PRR5L: variants seen among roughly 807,000 people sequenced by gnomAD.
The protein encoded by PRR5L is proline rich 5 like.
A neutral mutation model predicts 36.4 loss-of-function variants in PRR5L; 21 were observed. The ratio of observed to expected loss-of-function variants is 0.58; its 90% confidence interval spans 0.41 to 0.83. PRR5L has a LOEUF of 0.83. Ranked by LOEUF, PRR5L falls within the 40% of genes least tolerant of loss-of-function variation. The probability of loss-of-function intolerance (pLI) is 0.00; values close to 1 mark genes in which losing one functional copy is unlikely to be tolerated. For missense variants in PRR5L, 381 were observed against 473.3 expected (o/e 0.80, Z 1.81); for synonymous variants, 188 against 197.0 (o/e 0.95, Z 0.38).
chr11:36,348,001 T>G (rs1856884925), intron 1 of PRR5L, among the ~76,000 whole-genome samples: 1 of 152,202 alleles, frequency 6.6e-6, no homozygotes, highest in African/African-American at 2.4e-5. Flanking sequence ...GGGGCCATTA[T>G]GAGAATCAAA....
intron 3 of PRR5L, among the ~76,000 whole-genome samples, chr11:36,415,975 C>G (rs1442273511): frequency 6.6e-6 from 1 of 152,098 alleles, no homozygotes; most frequent in East Asian, 1.9e-4. Context: ...TACAAGGTAG[C>G]CTGTTGTATG....
chr11:36,322,869 G>A (rs140428908), intron 1 of PRR5L, among the ~76,000 whole-genome samples: 12 of 152,252 alleles, frequency 7.9e-5, no homozygotes, highest in East Asian at 5.8e-4. Flanking sequence ...CACAGGGACC[G>A]AGGAGGAAAA....
chr11:36,310,807 G>C (rs921302776), intron 1 of PRR5L, among the ~76,000 whole-genome samples: 3 of 151,992 alleles, frequency 2.0e-5, no homozygotes, highest in African/African-American at 7.3e-5. Context: ...GACCATCCTG[G>C]CGAACATGGT....
chr11:36,330,865 G>A (rs1856711512), intron 1 of PRR5L, among the ~76,000 whole-genome samples: 1 of 152,040 alleles, frequency 6.6e-6, no homozygotes, highest in African/African-American at 2.4e-5. Context: ...GGTGTTAGAG[G>A]TGTGATCTCG....
chr11:36,446,186 C>A, intron 6 of PRR5L, 114 bp from the exon 7 acceptor site: 1 of 1,163,978 alleles, frequency 8.6e-7, no homozygotes, highest in Non-Finnish European at 1.2e-6. Context: ...CCCTTGCAGA[C>A]GCCTCATCCC....
At chr11:36,342,082 C>A (rs937144093) in intron 1 of PRR5L, among the ~76,000 whole-genome samples, 1 of 152,084 alleles carries the variant, frequency 6.6e-6, no homozygotes, top group Admixed American at 6.5e-5. Flanking sequence ...TTGATGGAGG[C>A]AGATCTTTTT....
intron 1 of PRR5L, among the ~76,000 whole-genome samples, chr11:36,309,011 G>T (rs1237905379): frequency 6.6e-6 from 1 of 152,236 alleles, no homozygotes; most frequent in African/African-American, 2.4e-5. Flanking sequence ...TTATTTTGCA[G>T]CAGTATTGCA....
At chr11:36,343,623 GAGATTTGCTCTC>G (rs1453575887) in intron 1 of PRR5L, among the ~76,000 whole-genome samples, 1 of 152,218 alleles carries the variant, frequency 6.6e-6, no homozygotes, top group Non-Finnish European at 1.5e-5. Flanking sequence ...GATTTGGTCT[GAGATTTGCTCTC>G]AGGTGGTAGA....
chr11:36,382,722 C>G (rs970032749), intron 1 of PRR5L, among the ~76,000 whole-genome samples: 1 of 152,188 alleles, frequency 6.6e-6, no homozygotes, highest in Non-Finnish European at 1.5e-5. Context: ...GGCCTCTACC[C>G]ATTAGATGCC....
chr11:36,438,221 A>G (rs1858645327), intron 6 of PRR5L, among the ~76,000 whole-genome samples: 1 of 152,220 alleles, frequency 6.6e-6, no homozygotes, highest in Non-Finnish European at 1.5e-5. Flanking sequence ...GTTGACCCAT[A>G]GATGTTCCTC....
intron 8 of PRR5L, among the ~76,000 whole-genome samples, chr11:36,452,904 G>A (rs1332099057): frequency 6.6e-6 from 1 of 152,228 alleles, no homozygotes; most frequent in Non-Finnish European, 1.5e-5. Flanking sequence ...ATACATACAT[G>A]GGTCACACCC....
intron 1 of PRR5L, among the ~76,000 whole-genome samples, chr11:36,342,728 ACT>A (rs1856829122): frequency 6.6e-6 from 1 of 151,778 alleles, no homozygotes; most frequent in African/African-American, 2.4e-5. Flanking sequence ...GTCAGGGCTG[ACT>A]CTTTCCTCTC....
At chr11:36,382,279 G>A (rs1442937668) in intron 1 of PRR5L, among the ~76,000 whole-genome samples, 1 of 152,214 alleles carries the variant, frequency 6.6e-6, no homozygotes, top group Non-Finnish European at 1.5e-5. Flanking sequence ...GAGGAATTGA[G>A]ATCTGGAATC....
At chr11:36,307,411 T>C (rs937952908) in intron 1 of PRR5L, among the ~76,000 whole-genome samples, 2 of 152,176 alleles carry the variant, frequency 1.3e-5, no homozygotes, top group African/African-American at 4.8e-5. Context: ...TATTTTATTA[T>C]CTCATTTAAA....
chr11:36,300,465 C>A (rs1234163812), intron 1 of PRR5L, among the ~76,000 whole-genome samples: 1 of 152,094 alleles, frequency 6.6e-6, no homozygotes, highest in Non-Finnish European at 1.5e-5. Flanking sequence ...CCACTAGACC[C>A]CACCTCCAAT....
chr11:36,410,537 C>A (rs1045894340), intron 3 of PRR5L, among the ~76,000 whole-genome samples: 1 of 152,206 alleles, frequency 6.6e-6, no homozygotes, highest in Non-Finnish European at 1.5e-5. Context: ...GGATACACTC[C>A]TACCTGTGAG....
At chr11:36,380,859 T>C (rs1857355576) in intron 1 of PRR5L, among the ~76,000 whole-genome samples, 1 of 152,182 alleles carries the variant, frequency 6.6e-6, no homozygotes, top group African/African-American at 2.4e-5. Flanking sequence ...GACATCACTA[T>C]ATACTAACTT....
chr11:36,371,942 C>G (rs944160572), intron 1 of PRR5L, among the ~76,000 whole-genome samples: 1 of 152,124 alleles, frequency 6.6e-6, no homozygotes, highest in East Asian at 1.9e-4. Context: ...CCTGTAATCC[C>G]AGCCACTTGG....
intron 1 of PRR5L, among the ~76,000 whole-genome samples, chr11:36,339,645 C>T (rs1856799888): frequency 2.0e-5 from 3 of 152,058 alleles, no homozygotes; most frequent in Admixed American, 2.0e-4. Flanking sequence ...AGTTACTTGC[C>T]CAAACTCACA....
Sources: gnomAD v4.1 joint callset for allele counts (sites outside exome capture counted in the v4.1 genomes callset) on GRCh38, gnomAD v4.1.1 for gene constraint, MANE v1.5 for transcripts, NCBI Gene and HGNC (gene_info 2026-07-23, HGNC 2026-07-21) for gene names.